The following PLAGL1 variants were observed in gnomAD, a reference collection of about 807,000 sequenced individuals.
PLAGL1 encodes the protein zinc finger protein PLAGL1.
Under a neutral mutation model 4.6 loss-of-function variants are expected in PLAGL1, and 1 was observed. That is an observed-to-expected ratio of 0.22 (90% CI 0.08 to 1.03). The LOEUF (loss-of-function observed/expected upper bound fraction) is 1.03, where lower values mean the gene tolerates loss of function less well. Ranked by LOEUF, PLAGL1 falls within the 50% of genes least tolerant of loss-of-function variation. The pLI is 0.58. For missense variants in PLAGL1, 464 were observed against 570.4 expected, an observed-to-expected ratio of 0.81 and a Z score of 1.90; for synonymous variants, 240 against 237.8, an observed-to-expected ratio of 1.01 and a Z score of -0.08.
At chr6:144,009,510 T>C (rs1333979945), upstream of PLAGL1, among the ~76,000 whole-genome samples, 1 of 152,122 alleles carries the variant, frequency 6.6e-6, no homozygotes, top group Non-Finnish European at 1.5e-5. Context: ...AAGATGGCAA[T>C]TGCTTTATTT....
chr6:144,032,660 C>G (rs1796919665), intron 1 of PLAGL1, among the ~76,000 whole-genome samples: 1 of 152,144 alleles, frequency 6.6e-6, no homozygotes, highest in African/African-American at 2.4e-5. Flanking sequence ...CTCCTGGGCT[C>G]TAGCAATTCT....
rs1562551150 is a variant in PLAGL1 at position 144,004,442 on chromosome 6, A to T, written c.-584+3648T>A. Among the ~76,000 whole-genome samples the T allele has an allele frequency of 6.6e-6, 1 of 152,260 alleles. No homozygotes were observed. Among genetic ancestry groups the T allele is most frequent in the Non-Finnish European group, 1.5e-5 (1 of 68,042 alleles). On this transcript the variant is annotated intron_variant, in intron 1 of 7. Coordinates refer to ENST00000674357, the MANE Select transcript of PLAGL1 (RefSeq NM_001317162.2). This position sits in a 1 kb window ranked among gnomAD's most constrained non-coding sequence, Gnocchi z 4.2. ...TGATACAAAGCAAAAATAAAAAACA[A>T]ACAAAAATTCTTATACATGCAACAT...
At position 143,954,445 on chromosome 6, in the gene PLAGL1, G is replaced by C. The variant is rs1297728543; in HGVS notation, c.-324-5985C>G. On this transcript the variant is annotated intron_variant, in intron 6 of 7. Coordinates refer to ENST00000674357, the MANE Select transcript of PLAGL1 (RefSeq NM_001317162.2). The surrounding 1 kb of genome is among the most constrained non-coding windows in gnomAD (Gnocchi z 5.1). The stretch of plus-strand genomic sequence containing the variant: ...GTGGCAGTGCAAGACCCCAGGGGCT[G>C]GGACAGGCATTTGAGTCAAACTTGC... 6.6e-6 allele frequency among the ~76,000 whole-genome samples: 1 copy of C among 152,228 alleles called. No individual in the cohort carries two copies. The highest frequency in any genetic ancestry group is 2.4e-5 in the African/African-American group (1 of 41,456).
intron 7 of PLAGL1, among the ~76,000 whole-genome samples, chr6:143,943,803 C>A (rs2257104): frequency 0.46 from 69,750 of 152,020 alleles, 16,331 homozygotes; most frequent in East Asian, 0.69. Context: ...CAAAATAGCT[C>A]TTTTATATTT....
chr6:143,987,130 C>T (rs1562502259), intron 1 of PLAGL1, among the ~76,000 whole-genome samples: 1 of 152,152 alleles, frequency 6.6e-6, no homozygotes, highest in African/African-American at 2.4e-5. Flanking sequence ...ATGCTTACAT[C>T]TTACGAGATT....
chr6:144,019,251 A>G (rs1795791636), intron 1 of PLAGL1, among the ~76,000 whole-genome samples: 1 of 152,156 alleles, frequency 6.6e-6, no homozygotes, highest in African/African-American at 2.4e-5. Flanking sequence ...AAGTGGGTGG[A>G]TCACGAGGTC....
Position 143,942,657 on chromosome 6 carries a change from C to T in PLAGL1, c.159G>A (p.Met53Ile). The T allele has an allele frequency of 6.2e-7, 1 of 1,611,846 alleles. No individual in the cohort carries two copies. Among genetic ancestry groups the T allele is most frequent in the Non-Finnish European group, 8.5e-7 (1 of 1,178,882 alleles). The stretch of plus-strand genomic sequence containing the variant: ...GAGATTTCTGGGGAGAATGGGTAGC[C>T]ATATGCCTAGGAGCAGAAGGAGAAA... ...FVSRYKLMRHMATHSPQKSHQ... is the reference protein window; with the variant it reads ...FVSRYKLMRHIATHSPQKSHQ... The change falls in exon 8 of 8, where the codon ATG becomes ATA. Residue 53 changes from methionine (M) to isoleucine (I), a missense_variant. This residue lies in a region of PLAGL1 where 161 missense variants were observed against 196.7 expected (regional missense o/e 0.82). Coordinates refer to ENST00000674357, the MANE Select transcript of PLAGL1 (RefSeq NM_001317162.2). The surrounding 1 kb of genome is among the most constrained non-coding windows in gnomAD (Gnocchi z 7.6).
intron 1 of PLAGL1, among the ~76,000 whole-genome samples, chr6:143,998,931 C>G (rs2128650233): frequency 6.6e-6 from 1 of 151,922 alleles, no homozygotes; most frequent in East Asian, 1.9e-4. Flanking sequence ...AAGTTAGGAC[C>G]AGACAAAAAA....
rs1034617749 is a variant in PLAGL1 at position 143,953,666 on chromosome 6, C to T, written c.-324-5206G>A. ...ATAGTGGGATTTTTCTAAAACACAG[C>T]CTAATATAAAAGGGAGAAAACAACA... On this transcript the variant is annotated intron_variant, in intron 6 of 7. Transcript: ENST00000674357. The surrounding 1 kb of genome is among the most constrained non-coding windows in gnomAD (Gnocchi z 5.3). Among the ~76,000 whole-genome samples the T allele has an allele frequency of 1.4e-4, 21 of 152,072 alleles. No homozygotes were observed.
rs11755974 is a variant in PLAGL1, at chr6:144,059,322, G to A, written c.-151+5146C>T. ...GTGGTGCAGGGCATCAGGGCCCCAG[G>A]CCTGGCCCTTTAAGCCATTCTTTCC... On this transcript the variant is annotated intron_variant, in intron 1 of 3. Transcript: ENST00000437412. The surrounding 1 kb of genome is among the most constrained non-coding windows in gnomAD (Gnocchi z 4.9). 8.4e-3 allele frequency among the ~76,000 whole-genome samples: 1,282 copies of A among 152,320 alleles called. 68 individuals carry two copies. The East Asian group carries it at 0.14, about 17-fold the overall frequency.
At position 144,029,898 on chromosome 6, in the gene PLAGL1, G is replaced by A. The variant is rs577692675; in HGVS notation, c.-151+34570C>T. ...GTAGATAAACTAACATGTTCAATAT[G>A]ATGGAAGAACAAGGTTAGGCAATAA... is the stretch of plus-strand genomic sequence containing the variant. On this transcript the variant is annotated intron_variant, in intron 1 of 3. Coordinates refer to the PLAGL1 transcript ENST00000437412. Among the ~76,000 whole-genome samples the A allele has an allele frequency of 1.6e-4, 24 of 152,278 alleles. No individual in the cohort carries two copies. In the South Asian group the frequency reaches 4.6e-3, roughly 29 times the overall value.
rs535180897 is a variant in PLAGL1, at chr6:144,048,755, T to C, written c.-151+15713A>G. Among the ~76,000 whole-genome samples, 6 of 152,332 alleles carry C rather than the reference T, an allele frequency of 3.9e-5. No homozygotes were observed. The East Asian group carries it at 1.2e-3, about 29-fold the overall frequency. On this transcript the variant is annotated intron_variant, in intron 1 of 3. Transcript: ENST00000437412. This position sits in a 1 kb window ranked among gnomAD's most constrained non-coding sequence, Gnocchi z 4.8. ...TGCCAAGAAGGTCTCTAACATGCCC[T>C]GAAATGTTTTCCCCATCATCTTGGC...
In PLAGL1 at chr6:144,056,861, G is replaced by A. The variant is rs117360876; in HGVS notation, c.-151+7607C>T. Among the ~76,000 whole-genome samples the A allele has an allele frequency of 7.6e-4, 116 of 152,020 alleles. 3 individuals carry two copies. The East Asian group carries it at 0.01, about 13-fold the overall frequency. ...TTTTAATTTTATTTATGCTGCCCAG[G>A]TGTTGCCCAGGCTGCTCTCAAACTC... On this transcript the variant is annotated intron_variant, in intron 1 of 3. Coordinates refer to the PLAGL1 transcript ENST00000437412. This position sits in a 1 kb window ranked among gnomAD's most constrained non-coding sequence, Gnocchi z 4.7.
At chr6:143,993,960 C>T (rs1404431479) in intron 1 of PLAGL1, among the ~76,000 whole-genome samples, 1 of 151,730 alleles carries the variant, frequency 6.6e-6, no homozygotes, top group African/African-American at 2.4e-5. Flanking sequence ...GCCCCCAGTA[C>T]TCTATATGCA....
chr6:143,995,242 C>A lies in PLAGL1; in HGVS notation c.-583-10068G>T, dbSNP rs1176651859. 6.6e-6 allele frequency among the ~76,000 whole-genome samples: 1 copy of A among 152,102 alleles called. No homozygotes were observed. Among genetic ancestry groups the A allele is most frequent in the Non-Finnish European group, 1.5e-5 (1 of 68,006 alleles). ...TAAAGCAAGGTCCCTTTCAATTTATCCTTAAAGTTAATTAATAAAAAGCTT... is the reference window on the plus strand; with the variant it reads ...TAAAGCAAGGTCCCTTTCAATTTATACTTAAAGTTAATTAATAAAAAGCTT... On this transcript the variant is annotated intron_variant, in intron 1 of 7. Coordinates refer to ENST00000674357, the MANE Select transcript of PLAGL1 (RefSeq NM_001317162.2). This position sits in a 1 kb window ranked among gnomAD's most constrained non-coding sequence, Gnocchi z 4.4.
intron 1 of PLAGL1, among the ~76,000 whole-genome samples, chr6:144,003,561 T>C (rs763607797): frequency 4.6e-5 from 7 of 150,744 alleles, no homozygotes; most frequent in Non-Finnish European, 1.0e-4. Context: ...GAGGCGGAGT[T>C]TGCAGTGAGC....
At chr6:143,943,202 C>G (rs1285423168) in intron 7 of PLAGL1, among the ~76,000 whole-genome samples, 1 of 151,618 alleles carries the variant, frequency 6.6e-6, no homozygotes, top group Non-Finnish European at 1.5e-5. Context: ...TTAATGTATA[C>G]AGATTTCTGA....
intron 1 of PLAGL1, among the ~76,000 whole-genome samples, chr6:144,043,041 C>T (rs1481159720): frequency 6.6e-6 from 1 of 152,176 alleles, no homozygotes; most frequent in Non-Finnish European, 1.5e-5. Context: ...TAAGACTTTG[C>T]TGAAGTTGCT....
In PLAGL1 at chr6:144,006,407, C is replaced by G. The variant is rs546291828; in HGVS notation, c.-584+1683G>C. 1 of 152,334 alleles carries G rather than the reference C, an allele frequency of 6.6e-6. No individual in the cohort carries two copies. Among genetic ancestry groups the G allele is most frequent in the South Asian group, 2.1e-4 (1 of 4,818 alleles). The allele number at this position is 152,334 out of a possible 1,614,324, so 9.4% of individuals were successfully genotyped here. On this transcript the variant is annotated intron_variant, in intron 1 of 7. Coordinates refer to ENST00000674357, the MANE Select transcript of PLAGL1 (RefSeq NM_001317162.2). This position sits in a 1 kb window ranked among gnomAD's most constrained non-coding sequence, Gnocchi z 4.3. ...GCACAGGTCAGGCGATAAAGCATTT[C>G]CAGCATCTCTGAGCCCCTGACCCTC... is the stretch of plus-strand genomic sequence containing the variant.
Sources: gnomAD v4.1 joint callset for allele counts (sites outside exome capture counted in the v4.1 genomes callset) on GRCh38, gnomAD v4.1.1 for gene constraint, gnomAD v4.1.1 regional missense constraint, Gnocchi (gnomAD v3.1) non-coding constraint, MANE v1.5 for transcripts, NCBI Gene and HGNC (gene_info 2026-07-23, HGNC 2026-07-21) for gene names.